The following SORCS3 variants were observed in gnomAD, a reference collection of about 807,000 sequenced individuals.
SORCS3 encodes the protein sortilin related VPS10 domain containing receptor 3.
Under a neutral mutation model 146.3 loss-of-function variants are expected in SORCS3, and 57 were observed. The ratio of observed to expected loss-of-function variants is 0.39; its 90% CI spans 0.31 to 0.49. The LOEUF is 0.49. Ranked by LOEUF, SORCS3 falls within the 20% of genes least tolerant of loss-of-function variation. SORCS3 has a pLI of 0.92. For missense variants in SORCS3, 1,341 were observed against 1,575.5 expected (o/e 0.85, Z 2.52); for synonymous variants, 653 against 618.5 (o/e 1.06, Z -0.83).
At position 105,245,813 on chromosome 10, in the gene SORCS3, G is replaced by A. The variant is rs150838890; in HGVS notation, c.2992+148G>A. On this transcript the variant is annotated intron_variant, in intron 21 of 26. Coordinates refer to ENST00000369701, the MANE Select transcript of SORCS3 (RefSeq NM_014978.3). ...ACAGGAAGCTTCCAAACCTACCTCCGACCTAGAGATTGAGGTTATAAGAGA... is the reference window on the plus strand; with the variant it reads ...ACAGGAAGCTTCCAAACCTACCTCCAACCTAGAGATTGAGGTTATAAGAGA... The A allele has an allele frequency of 2.0e-4, 181 of 907,620 alleles. No individual in the cohort carries two copies. The African/African-American group carries it at 2.8e-3, about 14-fold the overall frequency. 56.2% of individuals were successfully genotyped at this position (907,620 alleles called of 1,614,324 possible).
chr10:104,809,522 G>A (rs1341845154), intron 1 of SORCS3, among the ~76,000 whole-genome samples: 1 of 152,112 alleles, frequency 6.6e-6, no homozygotes, highest in African/African-American at 2.4e-5. Flanking sequence ...ATATTGTTTT[G>A]GGCAAAACAA....
At chr10:105,089,202 A>T (rs1360902997) in intron 5 of SORCS3, among the ~76,000 whole-genome samples, 1 of 152,216 alleles carries the variant, frequency 6.6e-6, no homozygotes, top group Non-Finnish European at 1.5e-5. Flanking sequence ...TCCGTGTCAG[A>T]CCAGATTTTG....
intron 1 of SORCS3, among the ~76,000 whole-genome samples, chr10:104,660,989 C>A (rs1034408359): frequency 6.6e-5 from 10 of 152,084 alleles, no homozygotes; most frequent in Admixed American, 6.5e-4. Context: ...TACCTTTTTT[C>A]CTTTTTAAAT....
chr10:105,071,923 T>G (rs939917184), intron 5 of SORCS3, among the ~76,000 whole-genome samples: 6 of 152,122 alleles, frequency 3.9e-5, no homozygotes, highest in Non-Finnish European at 8.8e-5. Flanking sequence ...GAAAGCTCAT[T>G]GGTTTTATTT....
At position 104,641,913 on chromosome 10, in the gene SORCS3, C is replaced by T. The variant is rs1338167599; in HGVS notation, c.586C>T (p.His196Tyr). 1.9e-6 allele frequency: 3 copies of T among 1,597,678 alleles called. No individual in the cohort carries two copies. The highest frequency in any genetic ancestry group is 1.3e-5 in the African/African-American group (1 of 74,396). The change falls in exon 1 of 27, where the codon CAC (histidine) becomes TAC (tyrosine). Residue 196 changes from histidine to tyrosine, a missense_variant. Physicochemically the swap from His to Tyr is moderately conservative, Grantham distance 83. Transcript: ENST00000369701. The surrounding 1 kb of genome is among the most constrained non-coding windows in gnomAD (Gnocchi z 6.4). ...TSFALTGDSA[H>Y]NQAMVHWSGH... is the part of the protein sequence containing the mutation. Reference sequence around the variant, plus strand: ...CTTCGCGCTGACCGGGGACTCGGCCCACAACCAAGCCATGGTGCACTGGTC... The same window carrying T: ...CTTCGCGCTGACCGGGGACTCGGCCTACAACCAAGCCATGGTGCACTGGTC...
chr10:105,043,712 A>G (rs561153252), intron 5 of SORCS3, among the ~76,000 whole-genome samples: 5 of 152,090 alleles, frequency 3.3e-5, no homozygotes, highest in African/African-American at 9.7e-5. Context: ...CTGATTCCCA[A>G]ACTTATTTCA....
chr10:104,765,007 G>A (rs536196269), intron 1 of SORCS3, among the ~76,000 whole-genome samples: 1 of 152,306 alleles, frequency 6.6e-6, no homozygotes, highest in South Asian at 2.1e-4. Flanking sequence ...CAGAGGTCAG[G>A]GAAGGTGGTG....
At chr10:104,828,880 G>A (rs1399669520) in intron 1 of SORCS3, among the ~76,000 whole-genome samples, 3 of 152,076 alleles carry the variant, frequency 2.0e-5, no homozygotes, top group Non-Finnish European at 4.4e-5. Context: ...TTATTTCAAA[G>A]CCACCTTGAG....
intron 1 of SORCS3, among the ~76,000 whole-genome samples, chr10:104,699,567 A>T (rs2016256124): frequency 6.6e-6 from 1 of 152,188 alleles, no homozygotes; most frequent in East Asian, 1.9e-4. Context: ...CAGATCTTTG[A>T]AAAGACCTTA....
At chr10:104,909,665 G>A (rs2018945682) in intron 2 of SORCS3, among the ~76,000 whole-genome samples, 1 of 152,096 alleles carries the variant, frequency 6.6e-6, no homozygotes, top group African/African-American at 2.4e-5. Flanking sequence ...ACATCAGATG[G>A]CCCCGTGAGA....
At chr10:104,821,990 G>A (rs1197121040) in intron 1 of SORCS3, 1 of 455,190 alleles carries the variant, frequency 2.2e-6, no homozygotes, top group African/African-American at 2.0e-5. Context: ...TGACAGCAGT[G>A]TTCAACACAC....
intron 20 of SORCS3, among the ~76,000 whole-genome samples, chr10:105,237,935 A>T (rs1398692585): frequency 1.3e-5 from 2 of 152,212 alleles, no homozygotes; most frequent in Admixed American, 6.5e-5. Flanking sequence ...AAATTAAATC[A>T]TCCTACTGAT....
chr10:104,858,951 A>AAC (rs1554855014), intron 2 of SORCS3, among the ~76,000 whole-genome samples: 55 of 151,178 alleles, frequency 3.6e-4, no homozygotes, highest in South Asian at 1.0e-3. Flanking sequence ...AAAAAAAAAA[A>AAC]AACAACAAAA....
At chr10:104,944,983 C>T (rs1589560484) in intron 3 of SORCS3, among the ~76,000 whole-genome samples, 1 of 152,290 alleles carries the variant, frequency 6.6e-6, no homozygotes, top group East Asian at 1.9e-4. Flanking sequence ...TGGAATAATT[C>T]ATCCAATGTA....
chr10:105,063,705 C>T (rs2055503299), intron 5 of SORCS3, among the ~76,000 whole-genome samples: 1 of 152,156 alleles, frequency 6.6e-6, no homozygotes, highest in Non-Finnish European at 1.5e-5. Flanking sequence ...AGCATTTGCA[C>T]CTTCACACTT....
Position 105,217,016 on chromosome 10 carries a change from G to A in SORCS3, c.2628G>A (p.Glu876=). The A allele has an allele frequency of 6.2e-7, 1 of 1,614,170 alleles. No homozygotes were observed. The highest frequency in any genetic ancestry group is 8.5e-7 in the Non-Finnish European group (1 of 1,180,022). ...CCTACGCAAACTTCAGCCCCATCGA[G>A]GACGGCATCAAGCACGTGTATAAGA... ...AVSYANFSPI[E]DGIKHVYKSA... is the part of the protein sequence containing the mutation. The change falls in exon 19 of 27, where the codon GAG becomes GAA. Residue 876 remains glutamate (E), a synonymous_variant. Coordinates refer to ENST00000369701, the MANE Select transcript of SORCS3 (RefSeq NM_014978.3).
intron 2 of SORCS3, among the ~76,000 whole-genome samples, chr10:104,870,213 A>G (rs980484991): frequency 7.2e-5 from 11 of 152,202 alleles, no homozygotes; most frequent in African/African-American, 2.7e-4. Flanking sequence ...CATTTAAATT[A>G]ATATTTCTTT....
At chr10:105,147,565 G>T in intron 8 of SORCS3, 52 bp from the exon 9 acceptor site, 3 of 1,501,702 alleles carry the variant, frequency 2.0e-6, no homozygotes, top group Non-Finnish European at 2.7e-6. Flanking sequence ...CATCCCAATG[G>T]GCAGAGAGAT....
intron 26 of SORCS3, 24 bp from the exon 27 acceptor site, chr10:105,263,286 C>G (rs2056972307): frequency 6.2e-7 from 1 of 1,612,724 alleles, no homozygotes; most frequent in African/African-American, 1.3e-5. Flanking sequence ...ATCCATTTCT[C>G]CCTGTGTCTT....
Sources: gnomAD v4.1 joint callset for allele counts (sites outside exome capture counted in the v4.1 genomes callset) on GRCh38, gnomAD v4.1.1 for gene constraint, Gnocchi (gnomAD v3.1) non-coding constraint, MANE v1.5 for transcripts, NCBI Gene and HGNC (gene_info 2026-07-23, HGNC 2026-07-21) for gene names.